Variants in ATP8A2 observed in about 807,000 individuals in gnomAD.
ATP8A2 encodes the protein phospholipid-transporting ATPase IB.
In ATP8A2, 100 loss-of-function variants were observed where a neutral mutation model predicts 165.6. That is an observed-to-expected ratio of 0.60 (90% CI 0.51 to 0.71). The LOEUF is 0.71. Ranked by LOEUF, ATP8A2 falls within the 30% of genes least tolerant of loss-of-function variation. The pLI is 0.00. For missense variants in ATP8A2, 1,227 were observed against 1,479.5 expected (o/e 0.83, Z 2.80); for synonymous variants, 543 against 548.8 (o/e 0.99, Z 0.15).
chr13:25,885,151 C>T (rs1953105827), intron 33 of ATP8A2, among the ~76,000 whole-genome samples: 2 of 121,988 alleles, frequency 1.6e-5, no homozygotes, highest in South Asian at 5.2e-4. Flanking sequence ...TTGCTCTTGT[C>T]ACCCAGGCTG....
intron 13 of ATP8A2, among the ~76,000 whole-genome samples, chr13:25,555,782 CAT>C (rs1383498064): frequency 1.3e-5 from 2 of 152,026 alleles, no homozygotes; most frequent in Non-Finnish European, 2.9e-5. Flanking sequence ...TCCCCAACCC[CAT>C]CTAGTAGTCC....
At chr13:25,575,814 A>G (rs953128026) in intron 19 of ATP8A2, among the ~76,000 whole-genome samples, 1 of 152,116 alleles carries the variant, frequency 6.6e-6, no homozygotes, top group Non-Finnish European at 1.5e-5. Flanking sequence ...TGTGTGCTTC[A>G]TCTTTTATTG....
rs187507140 is a variant in ATP8A2 at position 25,953,825 on chromosome 13, A to G, written c.3184-7750A>G. On this transcript the variant is annotated intron_variant, in intron 33 of 36. Coordinates refer to ENST00000381655, the MANE Select transcript of ATP8A2 (RefSeq NM_016529.6). The surrounding 1 kb of genome is among the most constrained non-coding windows in gnomAD (Gnocchi z 6.7). ...TAAGGAACCATGCATTCCGTCCCAG[A>G]TACTATGCTTTTCCCATGGTCTTCG... Among the ~76,000 whole-genome samples the G allele has an allele frequency of 6.6e-6, 1 of 152,274 alleles. No individual in the cohort carries two copies. Among genetic ancestry groups the G allele is most frequent in the Admixed American group, 6.5e-5 (1 of 15,296 alleles).
chr13:25,529,569 G>T (rs2037963566), intron 2 of ATP8A2, among the ~76,000 whole-genome samples: 1 of 152,144 alleles, frequency 6.6e-6, no homozygotes, highest in African/African-American at 2.4e-5. Context: ...AAGCAAAAGT[G>T]TGAGCAAACA....
chr13:25,560,465 C>T (rs907876069), intron 15 of ATP8A2, among the ~76,000 whole-genome samples: 6 of 151,954 alleles, frequency 3.9e-5, no homozygotes, highest in African/African-American at 1.4e-4. Flanking sequence ...TTTGGGAGGC[C>T]TAGACAGGCA....
chr13:25,754,268 A>AC (rs11450411), intron 25 of ATP8A2, among the ~76,000 whole-genome samples: 149,923 of 152,328 alleles, frequency 0.98, 73,823 homozygotes, highest in East Asian at 1. Flanking sequence ...CTGACGAAGA[A>AC]GAACTGGCCC....
At chr13:25,849,557 G>A (rs1215576452) in intron 30 of ATP8A2, among the ~76,000 whole-genome samples, 2 of 152,052 alleles carry the variant, frequency 1.3e-5, no homozygotes, top group Admixed American at 1.3e-4. Context: ...ATAAATTGTG[G>A]CTTTTCCCAC....
chr13:25,954,459 C>T (rs1955469011), intron 33 of ATP8A2, among the ~76,000 whole-genome samples: 2 of 152,218 alleles, frequency 1.3e-5, no homozygotes, highest in Non-Finnish European at 2.9e-5. Context: ...TCTTGCCTGC[C>T]GGCTCTGAAC....
intron 33 of ATP8A2, among the ~76,000 whole-genome samples, chr13:25,891,797 T>C (rs747443768): frequency 3.9e-4 from 59 of 152,156 alleles, no homozygotes; most frequent in Non-Finnish European, 8.1e-4. Context: ...TGTCCCACTT[T>C]GGGTAAAGGA....
chr13:25,467,904 G>T (rs1006745782), intron 1 of ATP8A2, among the ~76,000 whole-genome samples: 2 of 152,196 alleles, frequency 1.3e-5, no homozygotes, highest in East Asian at 1.9e-4. Flanking sequence ...TAGTTGGAAA[G>T]CGTGGCAGGT....
intron 33 of ATP8A2, among the ~76,000 whole-genome samples, chr13:25,901,707 G>A (rs1328758721): frequency 6.6e-6 from 1 of 152,164 alleles, no homozygotes; most frequent in Non-Finnish European, 1.5e-5. Flanking sequence ...AATGGCTGAG[G>A]TTTCAAAGTT....
At chr13:25,788,805 T>C (rs890081370) in intron 27 of ATP8A2, among the ~76,000 whole-genome samples, 5 of 152,382 alleles carry the variant, frequency 3.3e-5, no homozygotes, top group African/African-American at 1.2e-4. Context: ...GAATCAATTG[T>C]ATTTCAGCAG....
chr13:25,919,171 T>C (rs145060704), intron 33 of ATP8A2, among the ~76,000 whole-genome samples: 18 of 152,366 alleles, frequency 1.2e-4, no homozygotes, highest in African/African-American at 4.3e-4. Flanking sequence ...TCCAAAAGTA[T>C]ACATTGTCCT....
chr13:25,934,292 T>C (rs1405597729), intron 33 of ATP8A2, among the ~76,000 whole-genome samples: 1 of 152,198 alleles, frequency 6.6e-6, no homozygotes, highest in Non-Finnish European at 1.5e-5. Context: ...TAGGTAAGTG[T>C]CTGCCTGTGA....
intron 2 of ATP8A2, among the ~76,000 whole-genome samples, chr13:25,478,067 A>C (rs1159741182): frequency 6.6e-6 from 1 of 152,204 alleles, no homozygotes; most frequent in Non-Finnish European, 1.5e-5. Flanking sequence ...TGGATCTTTA[A>C]TTGGAAACAT....
intron 2 of ATP8A2, among the ~76,000 whole-genome samples, chr13:25,521,317 C>T (rs1312435944): frequency 6.6e-6 from 1 of 151,980 alleles, no homozygotes; most frequent in East Asian, 1.9e-4. Flanking sequence ...AGTATTTTCT[C>T]CCATTCTCTG....
At chr13:25,623,231 T>C (rs1486980158) in intron 24 of ATP8A2, among the ~76,000 whole-genome samples, 1 of 151,894 alleles carries the variant, frequency 6.6e-6, no homozygotes, top group East Asian at 1.9e-4. Flanking sequence ...AAAAGTAAAA[T>C]AAAAATTTTA....
At chr13:25,874,486 T>C (rs1952771119) in intron 33 of ATP8A2, among the ~76,000 whole-genome samples, 1 of 152,222 alleles carries the variant, frequency 6.6e-6, no homozygotes, top group South Asian at 2.1e-4. Flanking sequence ...ACTAAAACTC[T>C]ACATACTAAT....
intron 27 of ATP8A2, among the ~76,000 whole-genome samples, chr13:25,793,695 T>C (rs1407343994): frequency 1.3e-5 from 2 of 152,084 alleles, no homozygotes; most frequent in Admixed American, 1.3e-4. Flanking sequence ...AAACTGTTGT[T>C]GGTAATAGCA....
Sources: gnomAD v4.1 joint callset for allele counts (sites outside exome capture counted in the v4.1 genomes callset) on GRCh38, gnomAD v4.1.1 for gene constraint, Gnocchi (gnomAD v3.1) non-coding constraint, MANE v1.5 for transcripts, NCBI Gene and HGNC (gene_info 2026-07-23, HGNC 2026-07-21) for gene names.